Variants in TRPC4 observed in about 807,000 individuals in gnomAD.
TRPC4 encodes the protein short transient receptor potential channel 4.
A neutral mutation model predicts 99.4 loss-of-function variants in TRPC4; 49 were observed. The observed-to-expected ratio is 0.49, with a 90% CI of 0.39 to 0.63. The LOEUF is 0.63. Among genes scored for constraint, TRPC4 ranks in the 20% least tolerant of loss-of-function variants. The probability of loss-of-function intolerance (pLI) is 0.00; values close to 1 mark genes in which losing one functional copy is unlikely to be tolerated. For synonymous variants in TRPC4, 454 were observed against 425.9 expected, an observed-to-expected ratio of 1.07 and a Z score of -0.81; for missense variants, 898 against 1,152.9, an observed-to-expected ratio of 0.78 and a Z score of 3.20.
chr13:37,648,734 C>G (rs954945851), intron 8 of TRPC4, among the ~76,000 whole-genome samples: 29 of 152,108 alleles, frequency 1.9e-4, no homozygotes, highest in African/African-American at 6.8e-4. Flanking sequence ...ATAGAAAAGC[C>G]AATTGACTGA....
chr13:37,800,164 G>C (rs967903679), intron 1 of TRPC4, among the ~76,000 whole-genome samples: 12 of 152,136 alleles, frequency 7.9e-5, no homozygotes, highest in African/African-American at 2.9e-4. Flanking sequence ...TTCTGTGGCA[G>C]ATATAATTAA....
chr13:37,782,124 T>A (rs565310323), intron 2 of TRPC4, among the ~76,000 whole-genome samples: 7 of 152,110 alleles, frequency 4.6e-5, no homozygotes, highest in African/African-American at 1.7e-4. Flanking sequence ...AAGTGACGAG[T>A]ACAGTGTGAA....
chr13:37,746,834 A>T lies in TRPC4; in HGVS notation c.379-379T>A, dbSNP rs144331037. Among the ~76,000 whole-genome samples the T allele has an allele frequency of 1.4e-4, 21 of 152,240 alleles. No homozygotes were observed. In the East Asian group the frequency reaches 3.7e-3, roughly 27 times the overall value. ...GAGGTCCAAAATAATCAAGAAATAC[A>T]CTCAAAAACAGCTAATGATTTGTTT... On this transcript the variant is annotated intron_variant, in intron 2 of 10. Coordinates refer to ENST00000379705, the MANE Select transcript of TRPC4 (RefSeq NM_016179.4).
At chr13:37,656,065 T>C (rs1390043388) in intron 6 of TRPC4, among the ~76,000 whole-genome samples, 1 of 152,164 alleles carries the variant, frequency 6.6e-6, no homozygotes, top group African/African-American at 2.4e-5. Flanking sequence ...GTTTTTGGTT[T>C]TTTTGGTATT....
At chr13:37,775,360 T>A (rs9603256) in intron 2 of TRPC4, among the ~76,000 whole-genome samples, 1,855 of 151,562 alleles carry the variant, frequency 0.012, 21 homozygotes, top group South Asian at 0.02. Context: ...GTAATCCCCT[T>A]CTTTTTCTTT....
chr13:37,717,123 A>G (rs986430510), intron 3 of TRPC4, among the ~76,000 whole-genome samples: 1 of 152,168 alleles, frequency 6.6e-6, no homozygotes, highest in African/African-American at 2.4e-5. Context: ...ACAACATTTT[A>G]CAGGGAGTTA....
rs186434851 is a variant in TRPC4 at position 37,857,609 on chromosome 13, T to C, written c.-28+11986A>G. Among the ~76,000 whole-genome samples, 643 of 151,416 alleles carry C rather than the reference T, an allele frequency of 4.2e-3. 5 individuals carry two copies. Among genetic ancestry groups the C allele is most frequent in the South Asian group, 0.017 (83 of 4,808 alleles). On this transcript the variant is annotated intron_variant, in intron 1 of 10. Coordinates refer to ENST00000379705, the MANE Select transcript of TRPC4 (RefSeq NM_016179.4). ...ATAGAATAGAGATCACAGTAACAAA[T>C]CTACACACCCACAGTGAACTAATTT...
intron 1 of TRPC4, among the ~76,000 whole-genome samples, chr13:37,804,969 C>A (rs1420039217): frequency 1.3e-5 from 2 of 151,936 alleles, no homozygotes; most frequent in Non-Finnish European, 2.9e-5. Flanking sequence ...ACTTAATTAA[C>A]AAAATTGCCA....
chr13:37,812,774 C>G (rs1957739085), intron 1 of TRPC4, among the ~76,000 whole-genome samples: 1 of 151,532 alleles, frequency 6.6e-6, no homozygotes, highest in African/African-American at 2.4e-5. Flanking sequence ...TTAATAAATC[C>G]CAAGCACGAG....
In TRPC4 at chr13:37,834,715, C is replaced by CATTT. The variant is rs1391864893; in HGVS notation, c.-28+34876_-28+34879dup. 2.6e-5 allele frequency among the ~76,000 whole-genome samples: 4 copies of CATTT among 152,014 alleles called. No homozygotes were observed. The South Asian group carries it at 6.2e-4, about 24-fold the overall frequency. Reference sequence around the variant, plus strand: ...TCAATCTTGAGTTTATCTCACTCTCCATTTATTTATTTATTTATTACATTT... The same window carrying CATTT: ...TCAATCTTGAGTTTATCTCACTCTCCATTTATTTATTTATTTATTTATTACATTT... On this transcript the variant is annotated intron_variant, in intron 1 of 10. Coordinates refer to ENST00000379705, the MANE Select transcript of TRPC4 (RefSeq NM_016179.4).
rs139356454 is a variant in TRPC4, at chr13:37,843,197, A to G, written c.-28+26398T>C. On this transcript the variant is annotated intron_variant, in intron 1 of 10. Transcript: ENST00000379705. Reference sequence around the variant, plus strand: ...TTCTAGAACTAGTTTTGTCATCTGTATAGTAGGAATGATGATGTTTTATGA... The same window carrying G: ...TTCTAGAACTAGTTTTGTCATCTGTGTAGTAGGAATGATGATGTTTTATGA... Among the ~76,000 whole-genome samples, 743 of 152,334 alleles carry G rather than the reference A, an allele frequency of 4.9e-3. 5 individuals are homozygous for G. The highest frequency in any genetic ancestry group is 0.017 in the African/African-American group (717 of 41,574).
At chr13:37,644,081 C>T (rs1325710287) in intron 8 of TRPC4, among the ~76,000 whole-genome samples, 1 of 152,122 alleles carries the variant, frequency 6.6e-6, no homozygotes, top group Non-Finnish European at 1.5e-5. Flanking sequence ...GCATACAATT[C>T]AACTCATAAT....
chr13:37,632,238 G>T lies in TRPC4; in HGVS notation c.*4665C>A, dbSNP rs1239626887. Among the ~76,000 whole-genome samples, 1 of 152,170 alleles carries T rather than the reference G, an allele frequency of 6.6e-6. No individual in the cohort carries two copies. The highest frequency in any genetic ancestry group is 1.5e-5 in the Non-Finnish European group (1 of 68,030). ...AATGTATTGCAAGGCACAAATGCAA[G>T]CCACATACGTATTTTTCAGTTTTCT... On this transcript the variant is annotated 3_prime_UTR_variant, in exon 11 of 11. Transcript: ENST00000379705.
chr13:37,859,941 T>C lies in TRPC4; in HGVS notation c.-28+9654A>G, dbSNP rs375895617. 1.1e-4 allele frequency among the ~76,000 whole-genome samples: 16 copies of C among 150,886 alleles called. No homozygotes were observed. The East Asian group carries it at 2.3e-3, about 22-fold the overall frequency. ...ACCTCCATGCACATGTGTTGGTGCATAGAAATTATATATTTTAAAAGATAA... is the reference window on the plus strand; with the variant it reads ...ACCTCCATGCACATGTGTTGGTGCACAGAAATTATATATTTTAAAAGATAA... On this transcript the variant is annotated intron_variant, in intron 1 of 10. Transcript: ENST00000379705.
chr13:37,712,369 G>A (rs991127558), intron 3 of TRPC4, among the ~76,000 whole-genome samples: 16 of 152,166 alleles, frequency 1.1e-4, no homozygotes, highest in African/African-American at 3.9e-4. Flanking sequence ...AGATCTCCAA[G>A]ACTTTAGAAA....
intron 1 of TRPC4, among the ~76,000 whole-genome samples, chr13:37,786,386 A>G (rs1373566467): frequency 6.6e-6 from 1 of 151,824 alleles, no homozygotes; most frequent in African/African-American, 2.4e-5. Flanking sequence ...AAACCTTAAC[A>G]TAAGGGAGTA....
At chr13:37,857,480 A>G (rs1049359927) in intron 1 of TRPC4, among the ~76,000 whole-genome samples, 1 of 151,814 alleles carries the variant, frequency 6.6e-6, no homozygotes, top group Non-Finnish European at 1.5e-5. Context: ...AGCAAAAATA[A>G]CAGAACTGGA....
intron 1 of TRPC4, among the ~76,000 whole-genome samples, chr13:37,808,740 C>T (rs1957597170): frequency 1.3e-5 from 2 of 152,046 alleles, no homozygotes; most frequent in South Asian, 4.1e-4. Context: ...TTACTCTATT[C>T]TGGGATCATG....
intron 1 of TRPC4, among the ~76,000 whole-genome samples, chr13:37,813,506 A>G (rs1355751320): frequency 6.6e-6 from 1 of 151,812 alleles, no homozygotes; most frequent in Non-Finnish European, 1.5e-5. Context: ...CAAGGGGAAA[A>G]AAAAGAGAAG....
Sources: gnomAD v4.1 joint callset for allele counts (sites outside exome capture counted in the v4.1 genomes callset) on GRCh38, gnomAD v4.1.1 for gene constraint, MANE v1.5 for transcripts, NCBI Gene and HGNC (gene_info 2026-07-23, HGNC 2026-07-21) for gene names.